Variants in DLG4 observed in about 807,000 individuals in gnomAD.
DLG4 encodes disks large homolog 4.
DLG4 carries 7 observed loss-of-function variants against 93.8 expected under a neutral mutation model. That is an observed-to-expected ratio of 0.07 (90% CI 0.04 to 0.14). The LOEUF (loss-of-function observed/expected upper bound fraction) is 0.14. Ranked by LOEUF, DLG4 falls within the 10% of genes least tolerant of loss-of-function variation. The pLI is 1.00. For missense variants in DLG4, 545 were observed against 992.9 expected (o/e 0.55, Z 6.06); for synonymous variants, 341 against 387.6 (o/e 0.88, Z 1.41).
intron 2 of DLG4, among the ~76,000 whole-genome samples, chr17:7,207,027 A>C (rs1405694562): frequency 6.6e-6 from 1 of 151,980 alleles, no homozygotes; most frequent in African/African-American, 2.4e-5. Flanking sequence ...GGTCCCAGAA[A>C]CCAGGCCTCC....
chr17:7,216,683 C>A (rs1272573580), intron 1 of DLG4, among the ~76,000 whole-genome samples: 1 of 152,032 alleles, frequency 6.6e-6, no homozygotes, highest in Admixed American at 6.6e-5. Context: ...ATAACCTTTA[C>A]CCCATGCCAG....
In DLG4 at chr17:7,191,228, G is replaced by A; in HGVS notation, c.2068+39C>T. On this transcript the variant is annotated intron_variant, in intron 19 of 19. Coordinates refer to ENST00000399506, the MANE Select transcript of DLG4 (RefSeq NM_001321075.3). The surrounding 1 kb of genome is among the most constrained non-coding windows in gnomAD (Gnocchi z 6.6). ...GGAGCTCTTTCTAATCCGAGCAAGG[G>A]CACCCTACATGCTGGCAACAGCCTT... The A allele has an allele frequency of 6.3e-7, 1 of 1,596,992 alleles. No individual in the cohort carries two copies. Among genetic ancestry groups the A allele is most frequent in the Non-Finnish European group, 8.6e-7 (1 of 1,165,062 alleles).
In DLG4 at chr17:7,191,463, G is replaced by C; in HGVS notation, c.1977-105C>G. On this transcript the variant is annotated intron_variant, in intron 18 of 19. Coordinates refer to ENST00000399506, the MANE Select transcript of DLG4 (RefSeq NM_001321075.3). This position sits in a 1 kb window ranked among gnomAD's most constrained non-coding sequence, Gnocchi z 6.6. ...AGTATTCTTCTATTTGGAGCACATA[G>C]CAAAAAAAAAAATACAATTCCCAAT... The C allele has an allele frequency of 2.3e-6, 2 of 880,268 alleles. No homozygotes were observed. The highest frequency in any genetic ancestry group is 3.1e-5 in the South Asian group (2 of 65,378). The allele number at this position is 880,268 out of a possible 1,614,324, so 54.5% of individuals were successfully genotyped here.
At chr17:7,204,877 C>T (rs2064948697) in intron 2 of DLG4, 2 of 915,048 alleles carry the variant, frequency 2.2e-6, no homozygotes, top group South Asian at 1.0e-4. Context: ...GTCCAATCCA[C>T]CCCTTCCTCT....
intron 1 of DLG4, among the ~76,000 whole-genome samples, chr17:7,210,621 C>G (rs1323533671): frequency 6.6e-6 from 1 of 152,164 alleles, no homozygotes; most frequent in Admixed American, 6.5e-5. Context: ...GGGCAAGCCC[C>G]AGAATTGAGA....
At chr17:7,218,434 G>A (rs1276530984), upstream of DLG4, 45 of 1,384,560 alleles carry the variant, frequency 3.3e-5, no homozygotes, top group Non-Finnish European at 4.4e-5. Context: ...GCAGGACCCT[G>A]CATGGTGCTC....
At chr17:7,219,885 T>A, upstream of DLG4, 3 of 1,542,600 alleles carry the variant, frequency 1.9e-6, no homozygotes, top group Non-Finnish European at 2.6e-6. Context: ...CCCGGTGCAC[T>A]GTGGACGATG....
At chr17:7,207,398 G>T (rs913168045) in intron 2 of DLG4, among the ~76,000 whole-genome samples, 1 of 151,948 alleles carries the variant, frequency 6.6e-6, no homozygotes, top group Non-Finnish European at 1.5e-5. Context: ...AGAGGGGGAA[G>T]AGAACTCAGG....
chr17:7,215,129 T>C (rs1361951939), intron 1 of DLG4, among the ~76,000 whole-genome samples: 1 of 152,098 alleles, frequency 6.6e-6, no homozygotes, highest in African/African-American at 2.4e-5. Context: ...GCAGCAACCC[T>C]CTAACATTGA....
chr17:7,191,830 T>G lies in DLG4; in HGVS notation c.1976+63A>C. 8.3e-7 allele frequency: 1 copy of G among 1,209,226 alleles called. No individual in the cohort carries two copies. The highest frequency in any genetic ancestry group is 1.1e-6 in the Non-Finnish European group (1 of 888,366). 74.9% of individuals were successfully genotyped at this position (1,209,226 alleles called of 1,614,324 possible). A position where few individuals can be genotyped will look rare whatever the true frequency, so the allele number is the denominator to read the frequency against. ...GAAGGGAGAGTTGAACGCAGACGCCTTGTGAGGCCCAGGGCCACAGGTGTT... is the reference window on the plus strand; with the variant it reads ...GAAGGGAGAGTTGAACGCAGACGCCGTGTGAGGCCCAGGGCCACAGGTGTT... On this transcript the variant is annotated intron_variant, in intron 18 of 19. Transcript: ENST00000399506. This position sits in a 1 kb window ranked among gnomAD's most constrained non-coding sequence, Gnocchi z 6.6.
Position 7,204,047 on chromosome 17 carries a change from G to A in DLG4, c.171C>T (p.Thr57=), listed in dbSNP as rs575303983. 18 of 1,609,776 alleles carry A rather than the reference G, an allele frequency of 1.1e-5. No individual in the cohort carries two copies. Among genetic ancestry groups the A allele is most frequent in the Non-Finnish European group, 1.4e-5 (16 of 1,178,076 alleles). ...APGYELQVNG[T]EGEMEYEEIT... The stretch of plus-strand genomic sequence containing the variant: ...TTTCCTCGTATTCCATCTCCCCCTC[G>A]GTCCCGTTCACCTGCAACTCCAGCA... Residue 57 remains threonine (T), a synonymous_variant, in exon 4 of 20, where the codon ACC becomes ACT. Coordinates refer to ENST00000399506, the MANE Select transcript of DLG4 (RefSeq NM_001321075.3).
chr17:7,213,091 CTTTCTTTTTTTT>C (rs1455041595), intron 1 of DLG4, among the ~76,000 whole-genome samples: 2 of 99,538 alleles, frequency 2.0e-5, no homozygotes, highest in Non-Finnish European at 3.9e-5. Context: ...TTCTTTCTTT[CTTTCTTTTTTTT>C]TTTTTTTTTT....
chr17:7,188,843 G>A lies in DLG4; in HGVS notation c.*1865C>T, dbSNP rs1274659768. ...ATAGGACATAAAGGCTGGGCGTAGT[G>A]GCTCATGCCTGTAATCTTAACACTG... On this transcript the variant is annotated 3_prime_UTR_variant, in exon 20 of 20. Coordinates refer to ENST00000399506, the MANE Select transcript of DLG4 (RefSeq NM_001321075.3). 5.3e-5 allele frequency among the ~76,000 whole-genome samples: 8 copies of A among 152,132 alleles called. No individual in the cohort carries two copies. The highest frequency in any genetic ancestry group is 5.2e-4 in the Admixed American group (8 of 15,260).
At position 7,189,699 on chromosome 17, in the gene DLG4, T is replaced by C. The variant is rs1181602944; in HGVS notation, c.*1009A>G. On this transcript the variant is annotated 3_prime_UTR_variant, in exon 20 of 20. Coordinates refer to ENST00000399506, the MANE Select transcript of DLG4 (RefSeq NM_001321075.3). ...CCAGCCTCCCCTTTCTGGCCTGTCATGACTTTGGACAGAGCTCCAGACCTT... is the reference window on the plus strand; with the variant it reads ...CCAGCCTCCCCTTTCTGGCCTGTCACGACTTTGGACAGAGCTCCAGACCTT... Among the ~76,000 whole-genome samples the C allele has an allele frequency of 6.6e-6, 1 of 152,072 alleles. No individual in the cohort carries two copies. The highest frequency in any genetic ancestry group is 1.5e-5 in the Non-Finnish European group (1 of 67,998).
rs897369799 is a variant in DLG4, at chr17:7,217,195, G to A, written c.-48C>T. Reference sequence around the variant, plus strand: ...GCGGGTAAGGGGCTCTGACTTCATCGGAGTTTCGTTCCTCCCCTCCGTGGG... The same window carrying A: ...GCGGGTAAGGGGCTCTGACTTCATCAGAGTTTCGTTCCTCCCCTCCGTGGG... On this transcript the variant is annotated 5_prime_UTR_variant, in exon 1 of 20. Transcript: ENST00000399506. The A allele has an allele frequency of 4.2e-5, 53 of 1,267,118 alleles. No homozygotes were observed. Among genetic ancestry groups the A allele is most frequent in the Non-Finnish European group, 5.0e-5 (50 of 999,680 alleles). 78.5% of individuals were successfully genotyped at this position (1,267,118 alleles called of 1,614,324 possible).
chr17:7,204,273 C>G, intron 2 of DLG4, 21 bp from the exon 3 acceptor site: 1 of 1,565,504 alleles, frequency 6.4e-7, no homozygotes, highest in Non-Finnish European at 8.7e-7. Flanking sequence ...AAACAAGAGA[C>G]AAAAAGCAGC....
At chr17:7,202,680 C>A (rs1391535577) in intron 8 of DLG4, 22 of 583,984 alleles carry the variant, frequency 3.8e-5, no homozygotes, top group Non-Finnish European at 5.8e-5. Flanking sequence ...ATAAAACCAA[C>A]CAGGCTTTGT....
Position 7,193,361 on chromosome 17 carries a change from G to C in DLG4, c.1693+122C>G, listed in dbSNP as rs538352139. ...TGGCTGAGAAGCACCCCTTCTCGGAGAAACCCTGTATCTCCCTACACACCG... is the reference window on the plus strand; with the variant it reads ...TGGCTGAGAAGCACCCCTTCTCGGACAAACCCTGTATCTCCCTACACACCG... On this transcript the variant is annotated intron_variant, in intron 16 of 19. Coordinates refer to ENST00000399506, the MANE Select transcript of DLG4 (RefSeq NM_001321075.3). This position sits in a 1 kb window ranked among gnomAD's most constrained non-coding sequence, Gnocchi z 6.7. 1.5e-5 allele frequency: 17 copies of C among 1,122,586 alleles called. No homozygotes were observed. The African/African-American group carries it at 2.5e-4, about 17-fold the overall frequency. The allele number at this position is 1,122,586 out of a possible 1,614,324, so 69.5% of individuals were successfully genotyped here. A position where few individuals can be genotyped will look rare whatever the true frequency, so the allele number is the denominator to read the frequency against.
chr17:7,207,539 G>A (rs1484320740), intron 2 of DLG4, among the ~76,000 whole-genome samples: 2 of 152,048 alleles, frequency 1.3e-5, no homozygotes, highest in Non-Finnish European at 2.9e-5. Flanking sequence ...GTAGGGGGAG[G>A]AGGCGGGGAA....
Sources: allele counts gnomAD v4.1 joint callset (sites outside exome capture counted in the v4.1 genomes callset), GRCh38; gene constraint gnomAD v4.1.1; non-coding constraint Gnocchi (gnomAD v3.1); transcripts MANE v1.5; gene names NCBI Gene and HGNC (gene_info 2026-07-23, HGNC 2026-07-21).